BSDC1: variants seen among roughly 807,000 people sequenced by gnomAD.
BSDC1 encodes the protein BSD domain-containing protein 1.
Under a neutral mutation model 56.0 loss-of-function variants are expected in BSDC1, and 29 were observed. The ratio of observed to expected loss-of-function variants is 0.52; its 90% confidence interval spans 0.39 to 0.71. BSDC1 has a LOEUF of 0.71. Ranked by LOEUF, BSDC1 falls within the 30% of genes least tolerant of loss-of-function variation. The pLI is 0.00. For missense variants in BSDC1, 477 were observed against 548.5 expected (o/e 0.87, Z 1.30); for synonymous variants, 210 against 215.3 (o/e 0.98, Z 0.21).
intron 2 of BSDC1, among the ~76,000 whole-genome samples, chr1:32,392,162 T>C (rs1570184260): frequency 1.3e-5 from 2 of 152,094 alleles, no homozygotes; most frequent in East Asian, 3.9e-4. Flanking sequence ...TGAAACCCTG[T>C]CTCTATTGAA....
rs1229240725 is a variant in BSDC1 at position 32,366,493 on chromosome 1, A to C, written c.*129T>G. ...AAGAGGGCCAGCAGGGAGCCACCAG[A>C]ATCTGTGCCCAGAGCTCTGGTTGGC... On this transcript the variant is annotated 3_prime_UTR_variant, in exon 11 of 11. Transcript: ENST00000455895. 2 of 935,242 alleles carry C rather than the reference A, an allele frequency of 2.1e-6. No homozygotes were observed. The highest frequency in any genetic ancestry group is 3.4e-6 in the Non-Finnish European group (2 of 584,392). 57.9% of individuals were successfully genotyped at this position (935,242 alleles called of 1,614,324 possible). A position where few individuals can be genotyped will look rare whatever the true frequency, so the allele number is the denominator to read the frequency against.
chr1:32,367,664 A>C, intron 10 of BSDC1: 1 of 985,662 alleles, frequency 1.0e-6, no homozygotes, highest in Non-Finnish European at 1.2e-6. Context: ...CCAGCCTCTC[A>C]ATCTAAATGA....
chr1:32,366,106 C>A lies in BSDC1; in HGVS notation c.*516G>T. 5.8e-6 allele frequency: 1 copy of A among 172,908 alleles called. No individual in the cohort carries two copies. Among genetic ancestry groups the A allele is most frequent in the Non-Finnish European group, 1.2e-5 (1 of 80,174 alleles). 10.7% of individuals were successfully genotyped at this position (172,908 alleles called of 1,614,324 possible). A position where few individuals can be genotyped will look rare whatever the true frequency, so the allele number is the denominator to read the frequency against. ...AGAGTCCCAAGAGAGGCAAATTTCC[C>A]AGAGATAAGTGCCTCTTACCCACTG... On this transcript the variant is annotated 3_prime_UTR_variant, in exon 11 of 11. Transcript: ENST00000455895.
At chr1:32,368,417 G>A (rs760716563) in intron 10 of BSDC1, 30 bp downstream of exon 10, 18 of 1,614,106 alleles carry the variant, frequency 1.1e-5, no homozygotes, top group Middle Eastern at 1.6e-4. Flanking sequence ...CATTAGGCTC[G>A]CTTCCCTCTG....
At chr1:32,383,610 T>C (rs1007862090) in intron 4 of BSDC1, among the ~76,000 whole-genome samples, 2 of 152,224 alleles carry the variant, frequency 1.3e-5, no homozygotes, top group Non-Finnish European at 2.9e-5. Context: ...TGTAAGGTTA[T>C]ATACCAATAA....
At chr1:32,371,293 A>T (rs1570105635) in intron 9 of BSDC1, among the ~76,000 whole-genome samples, 1 of 147,112 alleles carries the variant, frequency 6.8e-6, no homozygotes, top group African/African-American at 2.5e-5. Flanking sequence ...AACACATACG[A>T]CTTTGTAATC....
At chr1:32,377,889 C>T in intron 8 of BSDC1, 81 bp downstream of exon 8, 1 of 1,392,494 alleles carries the variant, frequency 7.2e-7, no homozygotes, top group Non-Finnish European at 9.9e-7. Flanking sequence ...CCAAGTCTCT[C>T]CAGGCTTCAG....
At position 32,378,045 on chromosome 1, in the gene BSDC1, G is replaced by A; in HGVS notation, c.601C>T (p.Gln201Ter). 6.2e-7 allele frequency: 1 copy of A among 1,608,930 alleles called. No homozygotes were observed. The highest frequency in any genetic ancestry group is 8.5e-7 in the Non-Finnish European group (1 of 1,177,140). ...TGCTTCAGGGCGTCCCTCCGGGCCT[G>A]CTCCTGAATGTGGGGGAGCAGAAGG... ...FYKVHQLEQE[Q>*]ARRDALKQRA... is the part of the protein sequence containing the mutation. The change falls in exon 8 of 11, where the codon CAG (glutamine) becomes TAG (stop). Residue 201 changes from glutamine (Q) to a stop codon, truncating the protein, a stop_gained. Transcript: ENST00000455895. LOFTEE classifies it high-confidence loss of function. The surrounding 1 kb of genome is among the most constrained non-coding windows in gnomAD (Gnocchi z 5.2).
intron 2 of BSDC1, among the ~76,000 whole-genome samples, chr1:32,391,361 T>C (rs896754840): frequency 2.0e-5 from 3 of 151,900 alleles, no homozygotes; most frequent in African/African-American, 4.8e-5. Flanking sequence ...GTAGATGAGG[T>C]TGTCTCCTGG....
intron 1 of BSDC1, 120 bp from the exon 2 acceptor site, chr1:32,394,260 C>A: frequency 1.4e-5 from 22 of 1,553,268 alleles, no homozygotes; most frequent in Non-Finnish European, 1.9e-5. Context: ...GCTTGCCCAC[C>A]CCCTCACAAT....
chr1:32,393,870 A>C, intron 2 of BSDC1: 1 of 549,172 alleles, frequency 1.8e-6, no homozygotes. Context: ...CCAGCCTTTA[A>C]AACCATCTTT....
Position 32,378,809 on chromosome 1 carries a change from GA to G in BSDC1, c.442del (p.Ser148ProfsTer17). 1 of 1,542,510 alleles carries G rather than the reference GA, an allele frequency of 6.5e-7. No homozygotes were observed. Among genetic ancestry groups the G allele is most frequent in the East Asian group, 2.5e-5 (1 of 40,730 alleles). Reference sequence around the variant, plus strand: ...CTTCTTCTCCTCCAAGCAGAACTGGGAAAGCCAGGCGTCAAACAATTCCGGG... The same window carrying G: ...CTTCTTCTCCTCCAAGCAGAACTGGGAAGCCAGGCGTCAAACAATTCCGGG... ...GPPELFDAWL[S>X]QFCLEEKKGE... On this transcript the variant is annotated frameshift_variant, in exon 6 of 11. Coordinates refer to ENST00000455895, the MANE Select transcript of BSDC1 (RefSeq NM_018045.8). LOFTEE classifies it high-confidence loss of function. This position sits in a 1 kb window ranked among gnomAD's most constrained non-coding sequence, Gnocchi z 5.2.
At chr1:32,368,968 G>A (rs2148108352) in intron 9 of BSDC1, among the ~76,000 whole-genome samples, 1 of 152,240 alleles carries the variant, frequency 6.6e-6, no homozygotes, top group Admixed American at 6.5e-5. Flanking sequence ...CAAGGTGCTG[G>A]GATTATAGGT....
intron 9 of BSDC1, among the ~76,000 whole-genome samples, chr1:32,371,708 C>G (rs1642095888): frequency 6.6e-6 from 1 of 152,044 alleles, no homozygotes; most frequent in Non-Finnish European, 1.5e-5. Context: ...CCGACCTACT[C>G]CTCACCAGAT....
rs113956658 is a variant in BSDC1, at chr1:32,376,225, C to T, written c.1156+37G>A. On this transcript the variant is annotated intron_variant, in intron 9 of 10. Coordinates refer to ENST00000455895, the MANE Select transcript of BSDC1 (RefSeq NM_018045.8). ...ATCTGCCTCAGGAGGTGGCCCTGAC[C>T]GCACACAACCCTCTGGGCTTGGACC... is the stretch of plus-strand genomic sequence containing the variant. 764 of 1,423,966 alleles carry T rather than the reference C, an allele frequency of 5.4e-4. 7 individuals are homozygous for T. The African/African-American group carries it at 9.5e-3, about 18-fold the overall frequency. The allele number at this position is 1,423,966 out of a possible 1,614,324, so 88.2% of individuals were successfully genotyped here. A position where few individuals can be genotyped will look rare whatever the true frequency, so the allele number is the denominator to read the frequency against.
chr1:32,367,138 G>C, intron 10 of BSDC1: 1 of 986,050 alleles, frequency 1.0e-6, no homozygotes. Flanking sequence ...CAAAAGCAGA[G>C]GTGGCAGTGG....
chr1:32,367,386 G>T, intron 10 of BSDC1: 2 of 985,460 alleles, frequency 2.0e-6, no homozygotes, highest in Non-Finnish European at 2.4e-6. Flanking sequence ...GGCTTTCTCT[G>T]TCCTGGGTAT....
intron 9 of BSDC1, among the ~76,000 whole-genome samples, chr1:32,371,582 T>C (rs1312946388): frequency 1.3e-5 from 2 of 152,072 alleles, no homozygotes; most frequent in Non-Finnish European, 1.5e-5. Flanking sequence ...AGTGCTGAGA[T>C]TACAAGCGTG....
chr1:32,383,051 C>T (rs1480136022), intron 4 of BSDC1, among the ~76,000 whole-genome samples: 8 of 151,936 alleles, frequency 5.3e-5, no homozygotes, highest in Non-Finnish European at 8.8e-5. Flanking sequence ...CACAGCGTTC[C>T]TTATTATGCT....
Sources: gnomAD v4.1 joint callset for allele counts (sites outside exome capture counted in the v4.1 genomes callset) on GRCh38, gnomAD v4.1.1 for gene constraint, Gnocchi (gnomAD v3.1) non-coding constraint, MANE v1.5 for transcripts, NCBI Gene and HGNC (gene_info 2026-07-23, HGNC 2026-07-21) for gene names.